CALN1: variants seen among roughly 807,000 people sequenced by gnomAD.
CALN1 encodes the protein calcium-binding protein 8.
CALN1 carries 17 observed loss-of-function variants against 30.6 expected under a neutral mutation model. The observed-to-expected ratio is 0.56, with a 90% CI of 0.38 to 0.83. The LOEUF (loss-of-function observed/expected upper bound fraction) is 0.83. Among genes scored for constraint, CALN1 ranks in the 40% least tolerant of loss-of-function variants. The pLI is 0.00. For missense variants in CALN1, 291 were observed against 354.9 expected (o/e 0.82, Z 1.45); for synonymous variants, 156 against 131.4 (o/e 1.19, Z -1.28).
chr7:72,404,084 C>T (rs1202840605), intron 1 of CALN1, among the ~76,000 whole-genome samples: 1 of 152,216 alleles, frequency 6.6e-6, no homozygotes, highest in Admixed American at 6.5e-5. Flanking sequence ...TTCTACCTCT[C>T]TCTGGTATCG....
At chr7:72,471,998 G>A in the CALN1 span, among the ~76,000 whole-genome samples, 33 of 152,094 alleles carry the variant, frequency 2.2e-4, no homozygotes, top group African/African-American at 6.3e-4. Context: ...GTCTTGCTAC[G>A]TTGCCCAGGC....
intron 5 of CALN1, among the ~76,000 whole-genome samples, chr7:71,990,242 C>A (rs899769544): frequency 1.3e-5 from 2 of 152,118 alleles, no homozygotes; most frequent in African/African-American, 4.8e-5. Context: ...TGCTAAACGA[C>A]ACTCCCACCA....
rs1470872466 is a variant in CALN1 at position 72,412,140 on chromosome 7, T to TA, written c.-157dup. On this transcript the variant is annotated 5_prime_UTR_variant, in exon 1 of 7. Coordinates refer to ENST00000395275, the MANE Select transcript of CALN1 (RefSeq NM_031468.4). ...AAACCACGGACCTCGCGGTGAGTGT[T>TA]ACAGCTCTTAAAGATGGCGCGTCCG... 2.6e-5 allele frequency: 4 copies of TA among 152,788 alleles called. No individual in the cohort carries two copies. The highest frequency in any genetic ancestry group is 5.9e-5 in the Non-Finnish European group (4 of 68,272). The allele number at this position is 152,788 out of a possible 1,614,324, so 9.5% of individuals were successfully genotyped here. A position where few individuals can be genotyped will look rare whatever the true frequency, so the allele number is the denominator to read the frequency against.
intron 4 of CALN1, among the ~76,000 whole-genome samples, chr7:72,096,052 G>T (rs1017839972): frequency 6.6e-6 from 1 of 150,554 alleles, no homozygotes; most frequent in Non-Finnish European, 1.5e-5. Context: ...AAGATAGATA[G>T]ATAGATAGAT....
the CALN1 span, among the ~76,000 whole-genome samples, chr7:72,502,497 C>T: frequency 2.0e-4 from 31 of 151,650 alleles, no homozygotes; most frequent in Admixed American, 1.8e-3. Flanking sequence ...TTTAAATAGA[C>T]TTCCCCATCT....
At chr7:72,397,750 A>ACACACC (rs1491117589) in intron 2 of CALN1, among the ~76,000 whole-genome samples, 1 of 144,200 alleles carries the variant, frequency 6.9e-6, no homozygotes, top group Admixed American at 7.0e-5. Flanking sequence ...ACACACACAC[A>ACACACC]CCTTGCTCCA....
At chr7:72,090,425 A>G (rs1805776860) in intron 4 of CALN1, among the ~76,000 whole-genome samples, 3 of 152,204 alleles carry the variant, frequency 2.0e-5, no homozygotes, top group South Asian at 2.1e-4. Flanking sequence ...ATACAATAAA[A>G]TATTATAATG....
At position 72,403,345 on chromosome 7, in the gene CALN1, C is replaced by G. The variant is rs561984239; in HGVS notation, c.25G>C (p.Glu9Gln). Reference sequence around the variant, plus strand: ...TTTTTCTCATTCTCGGGCTTCCCCTCTCCGGGTTGCTCTGGCAGCCGCATC... The same window carrying G: ...TTTTTCTCATTCTCGGGCTTCCCCTGTCCGGGTTGCTCTGGCAGCCGCATC... MRLPEQPG[E>Q]GKPENEKKGD... Residue 9 changes from glutamate (E) to glutamine (Q), a missense_variant, in exon 2 of 7, where the codon GAG (glutamate) becomes CAG (glutamine). Glu to Gln is a conservative substitution (Grantham distance 29). Around this residue, in one of 2 missense-constraint regions of CALN1, gnomAD observed 122 missense variants for 103.2 expected, o/e 1.18. Transcript: ENST00000395275. The G allele has an allele frequency of 5.2e-6, 8 of 1,548,478 alleles. No homozygotes were observed. In the Admixed American group the frequency reaches 7.8e-5, roughly 15 times the overall value.
intron 6 of CALN1, among the ~76,000 whole-genome samples, chr7:71,806,763 C>A (rs1358284958): frequency 6.6e-6 from 1 of 152,188 alleles, no homozygotes; most frequent in East Asian, 1.9e-4. Context: ...GCAGTTTCCA[C>A]ATCCTGATGG....
rs115730700 is a variant in CALN1, at chr7:72,218,175, G to T, written c.244+60511C>A. Among the ~76,000 whole-genome samples the T allele has an allele frequency of 7.2e-3, 1,088 of 151,846 alleles. 11 individuals are homozygous for T. Among genetic ancestry groups the T allele is most frequent in the African/African-American group, 0.026 (1,061 of 41,478 alleles). On this transcript the variant is annotated intron_variant, in intron 3 of 6. Transcript: ENST00000395275. ...TTTTAAATAACTGTGCAGGCCAGGC[G>T]CAGTGGCTCATGCTTGCAATGCCAG...
chr7:72,217,543 T>G (rs916084922), intron 3 of CALN1, among the ~76,000 whole-genome samples: 12 of 152,124 alleles, frequency 7.9e-5, no homozygotes, highest in African/African-American at 2.9e-4. Context: ...CACTAAGTCG[T>G]GCCAGATGAA....
chr7:72,059,333 A>G (rs1463697034), intron 4 of CALN1, among the ~76,000 whole-genome samples: 1 of 152,208 alleles, frequency 6.6e-6, no homozygotes, highest in Non-Finnish European at 1.5e-5. Context: ...TGCTCAAATG[A>G]CAACAGTAGG....
intron 3 of CALN1, among the ~76,000 whole-genome samples, chr7:72,238,209 GT>G (rs1291749643): frequency 6.6e-6 from 1 of 152,154 alleles, no homozygotes; most frequent in Non-Finnish European, 1.5e-5. Context: ...TTCTATGATA[GT>G]TACAAGAGCA....
chr7:72,149,463 T>C (rs1488947114), intron 3 of CALN1, among the ~76,000 whole-genome samples: 2 of 151,920 alleles, frequency 1.3e-5, no homozygotes, highest in African/African-American at 2.4e-5. Context: ...TGAGACTGTG[T>C]CTCCAAAATA....
At chr7:71,866,505 T>C (rs2867520) in intron 5 of CALN1, among the ~76,000 whole-genome samples, 125,733 of 152,100 alleles carry the variant, frequency 0.83, 52,250 homozygotes, top group East Asian at 0.98. Flanking sequence ...CATATGTTAT[T>C]GGTAAAAAAC....
At chr7:72,472,801 G>A in the CALN1 span, among the ~76,000 whole-genome samples, 1 of 152,054 alleles carries the variant, frequency 6.6e-6, no homozygotes, top group Non-Finnish European at 1.5e-5. Context: ...AAAAAAGAAA[G>A]GTGTGTCACT....
chr7:71,974,417 CAAAAAAAA>C (rs1052896558), intron 5 of CALN1, among the ~76,000 whole-genome samples: 18 of 55,004 alleles, frequency 3.3e-4, no homozygotes, highest in East Asian at 1.8e-3. Flanking sequence ...GACTCCATCT[CAAAAAAAA>C]AAAAAAAAAA....
intron 3 of CALN1, among the ~76,000 whole-genome samples, chr7:72,206,413 T>A (rs770580280): frequency 6.6e-6 from 1 of 152,214 alleles, no homozygotes. Flanking sequence ...ACTGCATAGA[T>A]TCGCTGTAAT....
At chr7:72,094,795 A>G (rs1280937546) in intron 4 of CALN1, among the ~76,000 whole-genome samples, 2 of 152,174 alleles carry the variant, frequency 1.3e-5, no homozygotes, top group Non-Finnish European at 2.9e-5. Context: ...TCCCTTCACC[A>G]AAACAATGAG....
Sources: gnomAD v4.1 joint callset for allele counts (sites outside exome capture counted in the v4.1 genomes callset) on GRCh38, gnomAD v4.1.1 for gene constraint, gnomAD v4.1.1 regional missense constraint, MANE v1.5 for transcripts, NCBI Gene and HGNC (gene_info 2026-07-23, HGNC 2026-07-21) for gene names.